Variants in ZNF706 observed in about 807,000 individuals in gnomAD.
ZNF706 encodes the protein zinc finger protein 706.
In ZNF706, 4 loss-of-function variants were observed where a neutral mutation model predicts 9.2. That is an observed-to-expected ratio of 0.43 (90% CI 0.21 to 0.99). The LOEUF (loss-of-function observed/expected upper bound fraction) is 0.99, where lower values mean the gene tolerates loss of function less well. ZNF706 is among the 50% of genes least tolerant of loss of function. ZNF706 has a pLI of 0.26. For missense variants in ZNF706, 27 were observed against 87.8 expected (o/e 0.31, Z 2.77); for synonymous variants, 28 against 27.3 (o/e 1.03, Z -0.08).
Position 101,200,007 on chromosome 8 carries a change from C to A in ZNF706, c.226G>T (p.Ala76Ser), listed in dbSNP as rs764662605. The part of the protein sequence containing the change: ...PLPPELADVQ[A>S] ...TGAGTTACCTGTAAACAACCTTATG[C>A]CTGAACATCAGCTAATTCTGGAGGA... is the stretch of plus-strand genomic sequence containing the variant. The change falls in exon 3 of 4, where the codon GCA (alanine) becomes TCA (serine). Residue 76 changes from alanine (A) to serine (S), a missense_variant. Transcript: ENST00000311212. 3.1e-6 allele frequency: 5 copies of A among 1,611,192 alleles called. No individual in the cohort carries two copies. In the Admixed American group the frequency reaches 5.0e-5, roughly 16 times the overall value.
Position 101,197,360 on chromosome 8 carries a change from G to T in ZNF706, c.*1892C>A. 6.6e-6 allele frequency: 1 copy of T among 152,156 alleles called. No homozygotes were observed. The highest frequency in any genetic ancestry group is 1.9e-4 in the East Asian group (1 of 5,196). 9.4% of individuals were successfully genotyped at this position (152,156 alleles called of 1,614,324 possible). A position where few individuals can be genotyped will look rare whatever the true frequency, so the allele number is the denominator to read the frequency against. ...ACTCAAACACAGTAAAATGGGGATT[G>T]TACTAATAATCCCCTCATGAAGTAT... On this transcript the variant is annotated 3_prime_UTR_variant, in exon 4 of 4. Transcript: ENST00000311212.
intron 1 of ZNF706, chr8:101,204,268 C>A (rs971477233): frequency 2.0e-5 from 3 of 152,332 alleles, no homozygotes; most frequent in South Asian, 4.1e-4. Flanking sequence ...GCACTTAGGA[C>A]TTTCCCTAAA....
At position 101,198,092 on chromosome 8, in the gene ZNF706, G is replaced by T. The variant is rs146985671; in HGVS notation, c.*1160C>A. 76 of 152,212 alleles carry T rather than the reference G, an allele frequency of 5.0e-4. No homozygotes were observed. The highest frequency in any genetic ancestry group is 1.8e-3 in the African/African-American group (74 of 41,542). The allele number at this position is 152,212 out of a possible 1,614,324, so 9.4% of individuals were successfully genotyped here. On this transcript the variant is annotated 3_prime_UTR_variant, in exon 4 of 4. Coordinates refer to ENST00000311212, the MANE Select transcript of ZNF706 (RefSeq NM_016096.5). Reference sequence around the variant, plus strand: ...TCTAAAATTAGCCTTCCTTAATTGGGTAAGATTTACCATATCCATCTGAAC... The same window carrying T: ...TCTAAAATTAGCCTTCCTTAATTGGTTAAGATTTACCATATCCATCTGAAC...
rs1308985517 is a variant in ZNF706 at position 101,199,219 on chromosome 8, T to C, written c.*33A>G. The C allele has an allele frequency of 1.4e-6, 1 of 701,794 alleles. No individual in the cohort carries two copies. The highest frequency in any genetic ancestry group is 2.6e-6 in the Non-Finnish European group (1 of 384,404). The allele number at this position is 701,794 out of a possible 1,614,324, so 43.5% of individuals were successfully genotyped here. ...CCTAAGGTCTGAGACAGTAGAAGAGTCAAAGGTGTCATGAATTCACCTATA... is the reference window on the plus strand; with the variant it reads ...CCTAAGGTCTGAGACAGTAGAAGAGCCAAAGGTGTCATGAATTCACCTATA... On this transcript the variant is annotated 3_prime_UTR_variant, in exon 4 of 4. Coordinates refer to ENST00000311212, the MANE Select transcript of ZNF706 (RefSeq NM_016096.5).
At position 101,198,847 on chromosome 8, in the gene ZNF706, G is replaced by C. The variant is rs1466012128; in HGVS notation, c.*405C>G. 5.8e-6 allele frequency: 1 copy of C among 171,988 alleles called. No homozygotes were observed. Among genetic ancestry groups the C allele is most frequent in the African/African-American group, 2.4e-5 (1 of 42,206 alleles). 10.7% of individuals were successfully genotyped at this position (171,988 alleles called of 1,614,324 possible). A position where few individuals can be genotyped will look rare whatever the true frequency, so the allele number is the denominator to read the frequency against. On this transcript the variant is annotated 3_prime_UTR_variant, in exon 4 of 4. Transcript: ENST00000311212. ...AGAAAGGGATATAAGAATTGCACTT[G>C]CAATTCTAGCTGATGAATTCATTAG... is the stretch of plus-strand genomic sequence containing the variant.
At chr8:101,199,375 C>T in intron 3 of ZNF706, 136 bp from the exon 4 acceptor site, 1 of 573,356 alleles carries the variant, frequency 1.7e-6, no homozygotes, top group Admixed American at 2.9e-5. Flanking sequence ...ATATACAGAA[C>T]TCTGAAGAAT....
chr8:101,204,743 T>C, intron 1 of ZNF706: 1 of 985,430 alleles, frequency 1.0e-6, no homozygotes, highest in Non-Finnish European at 1.2e-6. Flanking sequence ...TGAGGCGCTC[T>C]CGTAGGAGGC....
At chr8:101,199,642 A>G (rs1161544099) in intron 3 of ZNF706, among the ~76,000 whole-genome samples, 1 of 152,212 alleles carries the variant, frequency 6.6e-6, no homozygotes, top group Non-Finnish European at 1.5e-5. Flanking sequence ...CTAATTGTAA[A>G]GAGGTGCTCA....
At chr8:101,200,257 A>G in intron 2 of ZNF706, 160 bp from the exon 3 acceptor site, 1 of 562,816 alleles carries the variant, frequency 1.8e-6, no homozygotes, top group Admixed American at 3.1e-5. Flanking sequence ...ACTTTGTGGT[A>G]AAGAAATTCC....
intron 2 of ZNF706, chr8:101,200,812 G>A (rs1810530631): frequency 6.4e-6 from 1 of 155,118 alleles, no homozygotes; most frequent in Non-Finnish European, 1.4e-5. Flanking sequence ...AACTTCAAGG[G>A]TAATGAGCTT....
upstream of ZNF706, chr8:101,205,840 TG>T (rs1168845396): frequency 6.6e-6 from 1 of 152,250 alleles, no homozygotes; most frequent in Non-Finnish European, 1.5e-5. This position sits in a 1 kb window ranked among gnomAD's most constrained non-coding sequence, Gnocchi z 6.6. Context: ...GGGCGGGCCC[TG>T]GCTGACACAA....
chr8:101,200,387 C>T (rs550630382), intron 2 of ZNF706: 142 of 242,814 alleles, frequency 5.8e-4, no homozygotes, highest in African/African-American at 3.1e-3. Flanking sequence ...AAGCATGTTA[C>T]CTTAATTCCC....
chr8:101,204,673 CAG>C (rs1283012548), intron 1 of ZNF706: 5 of 985,454 alleles, frequency 5.1e-6, no homozygotes, highest in Non-Finnish European at 6.0e-6. Context: ...ATGCAACTCT[CAG>C]TGTGGTTTTC....
chr8:101,200,378 A>G (rs752380038), intron 2 of ZNF706: 1 of 254,750 alleles, frequency 3.9e-6, no homozygotes, highest in Non-Finnish European at 7.8e-6. Context: ...TATTATATTA[A>G]GCATGTTACC....
rs574126321 is a variant in ZNF706 at position 101,205,052 on chromosome 8, C to T, written c.-3+383G>A. 4.2e-5 allele frequency: 23 copies of T among 544,170 alleles called. No individual in the cohort carries two copies. In the African/African-American group the frequency reaches 4.7e-4, roughly 11 times the overall value. The allele number at this position is 544,170 out of a possible 1,614,324, so 33.7% of individuals were successfully genotyped here. A position where few individuals can be genotyped will look rare whatever the true frequency, so the allele number is the denominator to read the frequency against. ...TCGGAGACCCCCTCCTCCTCCCTGC[C>T]ACCAAAGGCCACGCAGCCCCCATCT... On this transcript the variant is annotated intron_variant, in intron 1 of 3. Transcript: ENST00000311212. This position sits in a 1 kb window ranked among gnomAD's most constrained non-coding sequence, Gnocchi z 6.6.
At position 101,205,126 on chromosome 8, in the gene ZNF706, G is replaced by A. The variant is rs1368653510; in HGVS notation, c.-3+309C>T. 1 of 181,896 alleles carries A rather than the reference G, an allele frequency of 5.5e-6. No homozygotes were observed. The highest frequency in any genetic ancestry group is 1.0e-5 in the Non-Finnish European group (1 of 95,334). The allele number at this position is 181,896 out of a possible 1,614,324, so 11.3% of individuals were successfully genotyped here. On this transcript the variant is annotated intron_variant, in intron 1 of 3. Coordinates refer to ENST00000311212, the MANE Select transcript of ZNF706 (RefSeq NM_016096.5). This position sits in a 1 kb window ranked among gnomAD's most constrained non-coding sequence, Gnocchi z 6.6. Reference sequence around the variant, plus strand: ...CCAAGACGCGCCTCCTGGAGGCCGAGACTGCCCGAAACCCGGCCCCTGCGT... The same window carrying A: ...CCAAGACGCGCCTCCTGGAGGCCGAAACTGCCCGAAACCCGGCCCCTGCGT...
Position 101,198,777 on chromosome 8 carries a change from G to GA in ZNF706, c.*474dup, listed in dbSNP as rs1286191834. The GA allele has an allele frequency of 6.5e-6, 1 of 154,452 alleles. No individual in the cohort carries two copies. The highest frequency in any genetic ancestry group is 1.9e-4 in the East Asian group (1 of 5,246). 9.6% of individuals were successfully genotyped at this position (154,452 alleles called of 1,614,324 possible). On this transcript the variant is annotated 3_prime_UTR_variant, in exon 4 of 4. Transcript: ENST00000311212. ...ATAAAATCGTATGCACAATTTTAAT[G>GA]AATCAGTCTGCTCTAGTTTAACTGA...
chr8:101,206,010 T>C (rs956833303), upstream of ZNF706: 1 of 152,216 alleles, frequency 6.6e-6, no homozygotes, highest in African/African-American at 2.4e-5. Flanking sequence ...GCTCATCCAC[T>C]CGGGCGGCGG....
chr8:101,205,105 G>A lies in ZNF706; in HGVS notation c.-3+330C>T. 1 of 229,998 alleles carries A rather than the reference G, an allele frequency of 4.3e-6. No homozygotes were observed. Among genetic ancestry groups the A allele is most frequent in the South Asian group, 1.6e-4 (1 of 6,288 alleles). 14.2% of individuals were successfully genotyped at this position (229,998 alleles called of 1,614,324 possible). A position where few individuals can be genotyped will look rare whatever the true frequency, so the allele number is the denominator to read the frequency against. ...CCAGTCCTCACGGACCCTGGACCAAGACGCGCCTCCTGGAGGCCGAGACTG... is the reference window on the plus strand; with the variant it reads ...CCAGTCCTCACGGACCCTGGACCAAAACGCGCCTCCTGGAGGCCGAGACTG... On this transcript the variant is annotated intron_variant, in intron 1 of 3. Transcript: ENST00000311212. This position sits in a 1 kb window ranked among gnomAD's most constrained non-coding sequence, Gnocchi z 6.6.
Sources: allele counts gnomAD v4.1 joint callset (sites outside exome capture counted in the v4.1 genomes callset), GRCh38; gene constraint gnomAD v4.1.1; non-coding constraint Gnocchi (gnomAD v3.1); transcripts MANE v1.5; gene names NCBI Gene and HGNC (gene_info 2026-07-23, HGNC 2026-07-21).